Variants in SNTG1 observed in about 807,000 individuals in gnomAD.
The protein encoded by SNTG1 is syntrophin gamma 1, also known as gamma-1-syntrophin.
Under a neutral mutation model 74.7 loss-of-function variants are expected in SNTG1, and 39 were observed. That is an observed-to-expected ratio of 0.52 (90% CI 0.40 to 0.68). The LOEUF (loss-of-function observed/expected upper bound fraction) is 0.68. SNTG1 is among the 30% of genes least tolerant of loss of function. The pLI is 0.00. For missense variants in SNTG1, 685 were observed against 609.5 expected (o/e 1.12, Z -1.30); for synonymous variants, 254 against 217.1 (o/e 1.17, Z -1.49).
chr8:50,484,480 G>A (rs548793929), intron 8 of SNTG1, among the ~76,000 whole-genome samples: 7 of 151,128 alleles, frequency 4.6e-5, no homozygotes, highest in South Asian at 2.1e-4. Flanking sequence ...CTCCCAAAGC[G>A]CTGTGATTAC....
rs147172000 is a variant in SNTG1, at chr8:50,001,238, T to A, written c.-103+89007T>A. Among the ~76,000 whole-genome samples, 122 of 152,204 alleles carry A rather than the reference T, an allele frequency of 8.0e-4. 1 individual carries two copies. Among genetic ancestry groups the A allele is most frequent in the African/African-American group, 2.6e-3 (106 of 41,534 alleles). Reference sequence around the variant, plus strand: ...CTGTGTGAAACCTATCTGGGTTTTTTAATTGGTGCTTATTGAAGTTGGATT... The same window carrying A: ...CTGTGTGAAACCTATCTGGGTTTTTAAATTGGTGCTTATTGAAGTTGGATT... On this transcript the variant is annotated intron_variant, in intron 1 of 18. Coordinates refer to ENST00000642720, the MANE Select transcript of SNTG1 (RefSeq NM_018967.5).
At chr8:50,405,881 G>A (rs1442859693) in intron 4 of SNTG1, among the ~76,000 whole-genome samples, 1 of 152,004 alleles carries the variant, frequency 6.6e-6, no homozygotes, top group Non-Finnish European at 1.5e-5. Context: ...AAAATCATGT[G>A]CCGTATATAT....
intron 1 of SNTG1, among the ~76,000 whole-genome samples, chr8:50,101,804 C>T (rs908164610): frequency 8.6e-5 from 13 of 151,780 alleles, no homozygotes; most frequent in African/African-American, 2.4e-4. Flanking sequence ...TGAGAACATG[C>T]GGTGTTTGGT....
intron 18 of SNTG1, among the ~76,000 whole-genome samples, chr8:50,776,855 A>G (rs2095642300): frequency 6.6e-6 from 1 of 151,996 alleles, no homozygotes; most frequent in Admixed American, 6.6e-5. Context: ...TTTGCTGGAT[A>G]TAGGATTCAG....
chr8:50,066,189 T>C (rs1489216224), intron 1 of SNTG1, among the ~76,000 whole-genome samples: 1 of 151,536 alleles, frequency 6.6e-6, no homozygotes, highest in Non-Finnish European at 1.5e-5. Context: ...TACTCCAGCC[T>C]GGGTAACAAA....
intron 2 of SNTG1, among the ~76,000 whole-genome samples, chr8:50,224,481 G>A (rs1402897791): frequency 6.6e-6 from 1 of 152,154 alleles, no homozygotes; most frequent in Non-Finnish European, 1.5e-5. Context: ...CCTCAAGGAT[G>A]TGACTAACAC....
chr8:50,372,203 C>T (rs1469257733), intron 2 of SNTG1, among the ~76,000 whole-genome samples: 1 of 150,642 alleles, frequency 6.6e-6, no homozygotes, highest in East Asian at 1.9e-4. Flanking sequence ...ATTTGTGTTT[C>T]ATTGATCTTT....
chr8:50,581,341 TAA>T (rs2094608456), intron 12 of SNTG1, among the ~76,000 whole-genome samples: 1 of 152,210 alleles, frequency 6.6e-6, no homozygotes, highest in South Asian at 2.1e-4. Context: ...TAAGAATCAA[TAA>T]ATTCTATGGT....
intron 17 of SNTG1, among the ~76,000 whole-genome samples, chr8:50,746,616 A>G (rs1447486688): frequency 1.3e-5 from 2 of 151,824 alleles, no homozygotes; most frequent in African/African-American, 4.8e-5. Context: ...AGAAAAAGAC[A>G]TTAGGTTAAA....
chr8:50,483,791 G>A (rs1423937782), intron 8 of SNTG1, among the ~76,000 whole-genome samples: 1 of 152,144 alleles, frequency 6.6e-6, no homozygotes. Flanking sequence ...TGTGATAGGG[G>A]TTAGCTTTGT....
At position 50,562,851 on chromosome 8, in the gene SNTG1, A is replaced by G. The variant is rs138593103; in HGVS notation, c.810+9672A>G. On this transcript the variant is annotated intron_variant, in intron 12 of 18. Transcript: ENST00000642720. ...AATTAGTCCCAGTGCAAATCAGCCT[A>G]TAGTAATACCACTAGAGTTCCTAAA... 6.1e-3 allele frequency among the ~76,000 whole-genome samples: 934 copies of G among 152,338 alleles called. 7 individuals are homozygous for G. Among genetic ancestry groups the G allele is most frequent in the African/African-American group, 0.021 (865 of 41,590 alleles).
chr8:50,362,934 CAA>C (rs2092001644), intron 2 of SNTG1, among the ~76,000 whole-genome samples: 1 of 152,030 alleles, frequency 6.6e-6, no homozygotes, highest in South Asian at 2.1e-4. Flanking sequence ...TAAACACAGA[CAA>C]CTGAATTGCC....
intron 9 of SNTG1, among the ~76,000 whole-genome samples, chr8:50,527,227 AT>A (rs1011313451): frequency 1.3e-5 from 2 of 152,110 alleles, no homozygotes; most frequent in African/African-American, 4.8e-5. Context: ...ATTTTTAAAA[AT>A]ATTATCTATA....
At chr8:50,012,843 T>C (rs1815940159) in intron 1 of SNTG1, among the ~76,000 whole-genome samples, 1 of 152,140 alleles carries the variant, frequency 6.6e-6, no homozygotes, top group African/African-American at 2.4e-5. Context: ...AGACAGCAGC[T>C]GCAGCTGTCC....
At chr8:50,527,015 CA>C (rs1284648486) in intron 9 of SNTG1, among the ~76,000 whole-genome samples, 1 of 152,104 alleles carries the variant, frequency 6.6e-6, no homozygotes, top group Non-Finnish European at 1.5e-5. Flanking sequence ...ATTTGATGCT[CA>C]AATATTTCTT....
chr8:50,011,261 G>C (rs1815767203), intron 1 of SNTG1, among the ~76,000 whole-genome samples: 1 of 152,072 alleles, frequency 6.6e-6, no homozygotes, highest in Non-Finnish European at 1.5e-5. Flanking sequence ...GTTAGGAAAT[G>C]TACCTGAAAT....
chr8:50,655,579 C>T (rs529411204), intron 13 of SNTG1, among the ~76,000 whole-genome samples: 1 of 152,202 alleles, frequency 6.6e-6, no homozygotes, highest in East Asian at 1.9e-4. Context: ...ATCACAATCC[C>T]TTAATTTGTT....
intron 15 of SNTG1, among the ~76,000 whole-genome samples, chr8:50,692,248 T>G (rs953035504): frequency 6.6e-6 from 1 of 152,202 alleles, no homozygotes; most frequent in Non-Finnish European, 1.5e-5. Context: ...TTCTCTCAAC[T>G]CGTCAAAGTC....
intron 1 of SNTG1, among the ~76,000 whole-genome samples, chr8:50,062,548 T>A (rs1173189203): frequency 6.6e-6 from 1 of 152,236 alleles, no homozygotes; most frequent in Non-Finnish European, 1.5e-5. Context: ...CTATTTTTTC[T>A]ATCACTAATG....
Sources: gnomAD v4.1 joint callset for allele counts (sites outside exome capture counted in the v4.1 genomes callset) on GRCh38, gnomAD v4.1.1 for gene constraint, MANE v1.5 for transcripts, NCBI Gene and HGNC (gene_info 2026-07-23, HGNC 2026-07-21) for gene names.